Variants in RBMS3 observed in about 807,000 individuals in gnomAD.
RBMS3 encodes the protein RNA binding motif single stranded interacting protein 3.
Under a neutral mutation model 66.8 loss-of-function variants are expected in RBMS3, and 27 were observed. That is an observed-to-expected ratio of 0.40 (90% CI 0.30 to 0.56). RBMS3 has a LOEUF of 0.56. Among genes scored for constraint, RBMS3 ranks in the 20% least tolerant of loss-of-function variants. The pLI, the probability that RBMS3 is intolerant of heterozygous loss-of-function variation, is 0.40. For synonymous variants in RBMS3, 188 were observed against 183.0 expected, an observed-to-expected ratio of 1.03 and a Z score of -0.22; for missense variants, 513 against 549.5, an observed-to-expected ratio of 0.93 and a Z score of 0.66.
intron 1 of RBMS3, among the ~76,000 whole-genome samples, chr3:29,282,611 C>T (rs1415393119): frequency 6.6e-6 from 1 of 152,050 alleles, no homozygotes; most frequent in Non-Finnish European, 1.5e-5. Context: ...ATCACTGCTC[C>T]GATTTGTCAA....
intron 1 of RBMS3, among the ~76,000 whole-genome samples, chr3:29,364,562 C>G (rs1374876100): frequency 6.6e-6 from 1 of 152,124 alleles, no homozygotes; most frequent in Non-Finnish European, 1.5e-5. Context: ...ATGAAGGTAA[C>G]TAGCAGCAAA....
chr3:29,316,646 T>A (rs1343167778), intron 1 of RBMS3, among the ~76,000 whole-genome samples: 2 of 151,498 alleles, frequency 1.3e-5, no homozygotes, highest in African/African-American at 4.8e-5. Flanking sequence ...AAATTATAAT[T>A]AAATTATTAA....
chr3:29,489,721 A>C (rs1006797123), intron 3 of RBMS3, among the ~76,000 whole-genome samples: 76 of 141,902 alleles, frequency 5.4e-4, no homozygotes, highest in Non-Finnish European at 9.7e-4. Context: ...AATGTAATTG[A>C]GTAGACCCAC....
At chr3:29,529,686 G>C (rs2045274110) in intron 3 of RBMS3, among the ~76,000 whole-genome samples, 1 of 152,126 alleles carries the variant, frequency 6.6e-6, no homozygotes, top group Non-Finnish European at 1.5e-5. Flanking sequence ...CTATAGATGT[G>C]AGTGTTTTGG....
intron 3 of RBMS3, among the ~76,000 whole-genome samples, chr3:29,575,225 T>C (rs1427717786): frequency 1.3e-5 from 2 of 152,098 alleles, no homozygotes; most frequent in African/African-American, 4.8e-5. Context: ...AGAAAGGTCT[T>C]TATTTCTTTT....
intron 1 of RBMS3, among the ~76,000 whole-genome samples, chr3:29,416,993 C>G (rs530297385): frequency 7.9e-5 from 12 of 152,190 alleles, no homozygotes; most frequent in African/African-American, 2.9e-4. Flanking sequence ...AAGTGCCTAT[C>G]AGCTGTTAGA....
chr3:29,988,334 A>G (rs1437436155), intron 13 of RBMS3, 111 bp downstream of exon 13: 46 of 788,436 alleles, frequency 5.8e-5, no homozygotes, highest in Admixed American at 9.9e-5. Context: ...GTGCTACTCT[A>G]AAATATGACA....
intron 7 of RBMS3, among the ~76,000 whole-genome samples, chr3:29,876,727 T>C (rs954255990): frequency 6.6e-6 from 1 of 151,768 alleles, no homozygotes; most frequent in African/African-American, 2.4e-5. Context: ...CAGAAAGTAA[T>C]GGAGAATTTC....
At chr3:29,381,870 C>G (rs1252938436) in intron 1 of RBMS3, among the ~76,000 whole-genome samples, 1 of 152,170 alleles carries the variant, frequency 6.6e-6, no homozygotes, top group Admixed American at 6.5e-5. Flanking sequence ...GCTGTCGAAC[C>G]AGATTCCTCT....
chr3:29,419,083 A>T (rs2040595649), intron 1 of RBMS3, among the ~76,000 whole-genome samples: 2 of 152,178 alleles, frequency 1.3e-5, no homozygotes, highest in South Asian at 4.1e-4. Context: ...AAGAATTAGC[A>T]TTGGATGCAG....
intron 1 of RBMS3, among the ~76,000 whole-genome samples, chr3:29,370,737 C>T (rs1322719069): frequency 6.6e-6 from 1 of 152,132 alleles, no homozygotes; most frequent in Non-Finnish European, 1.5e-5. Flanking sequence ...TAATAAATGA[C>T]CCAGTGAATA....
chr3:29,397,195 A>G (rs189095192), intron 1 of RBMS3, among the ~76,000 whole-genome samples: 213 of 152,286 alleles, frequency 1.4e-3, no homozygotes, highest in South Asian at 3.5e-3. Context: ...AATTTCCAGG[A>G]TGACATGGCA....
At chr3:29,338,242 C>G (rs913238894) in intron 1 of RBMS3, among the ~76,000 whole-genome samples, 1 of 152,090 alleles carries the variant, frequency 6.6e-6, no homozygotes, top group South Asian at 2.1e-4. Context: ...AGTATCAATT[C>G]TAGCATCTTA....
At chr3:29,612,041 AT>A (rs1266158768) in intron 4 of RBMS3, among the ~76,000 whole-genome samples, 3 of 151,896 alleles carry the variant, frequency 2.0e-5, no homozygotes, top group African/African-American at 7.3e-5. Context: ...CAACTCCTCA[AT>A]TTTTTTGTTT....
intron 12 of RBMS3, among the ~76,000 whole-genome samples, chr3:29,976,088 T>A (rs1697566482): frequency 6.6e-6 from 1 of 152,002 alleles, no homozygotes; most frequent in African/African-American, 2.4e-5. Context: ...TATATATATA[T>A]GTAGTATTTA....
intron 6 of RBMS3, among the ~76,000 whole-genome samples, chr3:29,778,060 T>C (rs2056488289): frequency 6.6e-6 from 1 of 151,956 alleles, no homozygotes; most frequent in Admixed American, 6.6e-5. Flanking sequence ...CTTTGCCTCC[T>C]GTTCATTCAG....
At chr3:30,000,102 C>G (rs1699516370) in intron 14 of RBMS3, among the ~76,000 whole-genome samples, 1 of 151,940 alleles carries the variant, frequency 6.6e-6, no homozygotes, top group Admixed American at 6.6e-5. Context: ...TCAGGGTGAA[C>G]AGGCAACGTA....
intron 4 of RBMS3, among the ~76,000 whole-genome samples, chr3:29,661,855 C>T (rs2050565951): frequency 6.6e-6 from 1 of 152,162 alleles, no homozygotes; most frequent in Non-Finnish European, 1.5e-5. Context: ...TAGTAAATGG[C>T]ATGATGCCCC....
Position 29,916,721 on chromosome 3 carries a change from A to G in RBMS3, c.939+16966A>G, listed in dbSNP as rs116471264. On this transcript the variant is annotated intron_variant, in intron 10 of 14. Transcript: ENST00000383767. ...TATATGTTATAAGAGAATACGAAAC[A>G]TGTGGATTGTATTTCCAGAAAAAAA... Among the ~76,000 whole-genome samples the G allele has an allele frequency of 6.2e-3, 947 of 152,138 alleles. 5 individuals are homozygous for G. Among genetic ancestry groups the G allele is most frequent in the African/African-American group, 0.022 (903 of 41,542 alleles).
Sources: gnomAD v4.1 joint callset for allele counts (sites outside exome capture counted in the v4.1 genomes callset) on GRCh38, gnomAD v4.1.1 for gene constraint, MANE v1.5 for transcripts, NCBI Gene and HGNC (gene_info 2026-07-23, HGNC 2026-07-21) for gene names.